GAS2L3: variants seen among roughly 807,000 people sequenced by gnomAD.
GAS2L3 encodes growth arrest specific 2 like 3.
GAS2L3 carries 28 observed loss-of-function variants against 37.0 expected under a neutral mutation model. The ratio of observed to expected loss-of-function variants is 0.76; its 90% confidence interval spans 0.56 to 1.04. GAS2L3 has a LOEUF of 1.04. Among genes scored for constraint, GAS2L3 ranks in the 50% least tolerant of loss-of-function variants. GAS2L3 has a pLI of 0.00. For synonymous variants in GAS2L3, 290 were observed against 296.6 expected, an observed-to-expected ratio of 0.98 and a Z score of 0.23; for missense variants, 793 against 817.6, an observed-to-expected ratio of 0.97 and a Z score of 0.37.
chr12:100,618,730 C>A, intron 8 of GAS2L3, 143 bp downstream of exon 8: 1 of 641,492 alleles, frequency 1.6e-6, no homozygotes, highest in Non-Finnish European at 2.5e-6. Flanking sequence ...TCTCCATTCT[C>A]TGATGAATTC....
chr12:100,579,041 C>A (rs576214039), intron 1 of GAS2L3: 2 of 762,428 alleles, frequency 2.6e-6, no homozygotes, highest in South Asian at 1.4e-5. Context: ...CATGTATAAC[C>A]AGTCTATGGC....
rs1955807696 is a variant in GAS2L3, at chr12:100,588,494, G to T, written c.-151-3242G>T. On this transcript the variant is annotated intron_variant, in intron 1 of 9. Transcript: ENST00000547754. Reference sequence around the variant, plus strand: ...CTAACAAAGATCACATGCTTCTGAGGGAACAGAACAAAGGGGAAAAGCAGA... The same window carrying T: ...CTAACAAAGATCACATGCTTCTGAGTGAACAGAACAAAGGGGAAAAGCAGA... 2.0e-5 allele frequency among the ~76,000 whole-genome samples: 3 copies of T among 152,270 alleles called. No individual in the cohort carries two copies. In the South Asian group the frequency reaches 6.2e-4, roughly 32 times the overall value.
chr12:100,600,365 A>ATTT lies in GAS2L3; in HGVS notation c.19-9_19-7dup. The ATTT allele has an allele frequency of 7.0e-7, 1 of 1,421,124 alleles. No homozygotes were observed. The highest frequency in any genetic ancestry group is 9.5e-7 in the Non-Finnish European group (1 of 1,048,690). The allele number at this position is 1,421,124 out of a possible 1,614,324, so 88.0% of individuals were successfully genotyped here. A position where few individuals can be genotyped will look rare whatever the true frequency, so the allele number is the denominator to read the frequency against. On this transcript the variant is annotated splice_polypyrimidine_tract_variant and intron_variant, in intron 3 of 9. Transcript: ENST00000547754. ...AAGGTTTTATTCATTCAGTTGATTGATTTTTTTTTTCTTTAGGTATGGTTT... is the reference window on the plus strand; with the variant it reads ...AAGGTTTTATTCATTCAGTTGATTGATTTTTTTTTTTTTCTTTAGGTATGGTTT...
chr12:100,593,875 C>T (rs1955877413), intron 2 of GAS2L3: 1 of 151,962 alleles, frequency 6.6e-6, no homozygotes, highest in Non-Finnish European at 1.5e-5. Context: ...TGTCTTTTGC[C>T]TTCCTGCAAA....
chr12:100,577,585 C>G (rs1209093066), intron 1 of GAS2L3, among the ~76,000 whole-genome samples: 1 of 152,100 alleles, frequency 6.6e-6, no homozygotes, highest in East Asian at 1.9e-4. Flanking sequence ...AAATCTTTAT[C>G]TGTAATAGAA....
In GAS2L3 at chr12:100,623,554, G is replaced by T. The variant is rs1364746009; in HGVS notation, c.757-8G>T. On this transcript the variant is annotated splice_region_variant and splice_polypyrimidine_tract_variant and intron_variant, in intron 9 of 9. Coordinates refer to ENST00000547754, the MANE Select transcript of GAS2L3 (RefSeq NM_174942.3). ...ACAGCTTTACTTTTTGTTTTCCTTT[G>T]GGGGCAGATGCTTCATGGAAAACAT... 7 of 1,581,368 alleles carry T rather than the reference G, an allele frequency of 4.4e-6. No individual in the cohort carries two copies. The Admixed American group carries it at 9.5e-5, about 21-fold the overall frequency.
chr12:100,616,140 CTT>C (rs1469222468), intron 6 of GAS2L3, among the ~76,000 whole-genome samples: 3 of 152,076 alleles, frequency 2.0e-5, no homozygotes, highest in African/African-American at 4.8e-5. Flanking sequence ...TATTTATAAT[CTT>C]TTAAAATTTC....
Position 100,623,725 on chromosome 12 carries a change from C to T in GAS2L3, c.920C>T (p.Ser307Leu), listed in dbSNP as rs778139968. 1.7e-5 allele frequency: 27 copies of T among 1,613,742 alleles called. No homozygotes were observed. Among genetic ancestry groups the T allele is most frequent in the Admixed American group, 5.0e-5 (3 of 59,962 alleles). Residue 307 changes from serine (S) to leucine (L), a missense_variant, in exon 10 of 10, where the codon TCG (serine) becomes TTG (leucine). Ser to Leu is a moderately radical substitution (Grantham distance 145, BLOSUM62 -2). Transcript: ENST00000547754. ...KGVSNESVPD[S>L]PARTPQPPEM... ...GTTTCTAATGAAAGTGTACCTGATT[C>T]GCCTGCCAGAACACCTCAGCCTCCT...
At chr12:100,577,703 A>G (rs866334593) in intron 1 of GAS2L3, among the ~76,000 whole-genome samples, 2 of 152,360 alleles carry the variant, frequency 1.3e-5, no homozygotes, top group Middle Eastern at 3.4e-3. Context: ...TATTTTTAAA[A>G]GTATAGAGTG....
intron 1 of GAS2L3, among the ~76,000 whole-genome samples, chr12:100,590,136 A>G (rs866644791): frequency 1.3e-5 from 2 of 152,338 alleles, no homozygotes; most frequent in Middle Eastern, 3.4e-3. Context: ...GACAACCCAC[A>G]GAGTGGGAGA....
At position 100,615,375 on chromosome 12, in the gene GAS2L3, A is replaced by T. The variant is rs985796817; in HGVS notation, c.446-2369A>T. On this transcript the variant is annotated intron_variant, in intron 6 of 9. Coordinates refer to ENST00000547754, the MANE Select transcript of GAS2L3 (RefSeq NM_174942.3). ...TTACCCTTTTTGTCAACTTGCAAGA[A>T]TTCTTTATATATTCTAGATACTAGG... 7.9e-5 allele frequency among the ~76,000 whole-genome samples: 12 copies of T among 152,202 alleles called. No individual in the cohort carries two copies. The South Asian group carries it at 2.3e-3, about 29-fold the overall frequency.
chr12:100,610,703 C>A (rs1368760050), intron 5 of GAS2L3, among the ~76,000 whole-genome samples: 1 of 152,022 alleles, frequency 6.6e-6, no homozygotes, highest in Non-Finnish European at 1.5e-5. Context: ...TCCTACTGTA[C>A]CTACTGCATT....
intron 1 of GAS2L3, among the ~76,000 whole-genome samples, chr12:100,574,265 T>A (rs1244313036): frequency 6.6e-6 from 1 of 152,230 alleles, no homozygotes; most frequent in Non-Finnish European, 1.5e-5. Flanking sequence ...ATGAAGTCTC[T>A]GGCCCTGCAA....
intron 2 of GAS2L3, among the ~76,000 whole-genome samples, chr12:100,594,344 T>C (rs1389907735): frequency 6.6e-6 from 1 of 152,028 alleles, no homozygotes; most frequent in African/African-American, 2.4e-5. Context: ...GAAATTATTA[T>C]GGGGAGGCAT....
chr12:100,609,988 G>A lies in GAS2L3; in HGVS notation c.304-2012G>A, dbSNP rs142824956. ...TCTTCAATGTCTCTCTCAGTGATAC[G>A]AAATTAAAACCAGATTGCTCATTTG... On this transcript the variant is annotated intron_variant, in intron 5 of 9. Transcript: ENST00000547754. 5.3e-5 allele frequency among the ~76,000 whole-genome samples: 8 copies of A among 152,326 alleles called. No homozygotes were observed. In the South Asian group the frequency reaches 6.2e-4, roughly 12 times the overall value.
In GAS2L3 at chr12:100,623,552, T is replaced by C. The variant is rs1001478044; in HGVS notation, c.757-10T>C. The C allele has an allele frequency of 1.3e-6, 2 of 1,582,468 alleles. No individual in the cohort carries two copies. The highest frequency in any genetic ancestry group is 1.4e-5 in the African/African-American group (1 of 73,542). On this transcript the variant is annotated splice_polypyrimidine_tract_variant and intron_variant, in intron 9 of 9. Coordinates refer to ENST00000547754, the MANE Select transcript of GAS2L3 (RefSeq NM_174942.3). ...TTACAGCTTTACTTTTTGTTTTCCT[T>C]TGGGGGCAGATGCTTCATGGAAAAC...
chr12:100,624,435 C>G lies in GAS2L3; in HGVS notation c.1630C>G (p.Pro544Ala). 1.9e-6 allele frequency: 3 copies of G among 1,613,996 alleles called. No individual in the cohort carries two copies. The highest frequency in any genetic ancestry group is 2.5e-6 in the Non-Finnish European group (3 of 1,180,012). The change falls in exon 10 of 10, where the codon CCA becomes GCA. Residue 544 changes from proline to alanine, a missense_variant. By Grantham distance (27) the Pro-to-Ala change is conservative. Transcript: ENST00000547754. ...GTQSQPSDGA[P>A]QAKPVPAQKL... The stretch of plus-strand genomic sequence containing the variant: ...ACAGTCTCAACCATCCGATGGAGCC[C>G]CACAAGCAAAGCCAGTCCCAGCACA...
In GAS2L3 at chr12:100,601,733, T is replaced by G. The variant is rs1160173191; in HGVS notation, c.283T>G (p.Cys95Gly). 4 of 1,582,408 alleles carry G rather than the reference T, an allele frequency of 2.5e-6. No homozygotes were observed. Among genetic ancestry groups the G allele is most frequent in the Non-Finnish European group, 1.7e-6 (2 of 1,154,648 alleles). The change falls in exon 5 of 10, where the codon TGC becomes GGC. Residue 95 changes from cysteine to glycine, a missense_variant. By Grantham distance (159) the Cys-to-Gly change is radical (BLOSUM62 -3). Coordinates refer to ENST00000547754, the MANE Select transcript of GAS2L3 (RefSeq NM_174942.3). ...TGTTCTTCAAAACATGGTGAAAACA[T>G]GCAACTCTGAAGAATCAGGGGTAAG... ...IDVLQNMVKTCNSEESGNFPM... is the reference protein window; with the variant it reads ...IDVLQNMVKTGNSEESGNFPM...
At chr12:100,576,647 GTAA>G (rs1192729182) in intron 1 of GAS2L3, among the ~76,000 whole-genome samples, 1 of 152,148 alleles carries the variant, frequency 6.6e-6, no homozygotes, top group African/African-American at 2.4e-5. Context: ...TGCTTCAGAA[GTAA>G]TGTTTATGAG....
Sources: allele counts gnomAD v4.1 joint callset (sites outside exome capture counted in the v4.1 genomes callset), GRCh38; gene constraint gnomAD v4.1.1; transcripts MANE v1.5; gene names NCBI Gene and HGNC (gene_info 2026-07-23, HGNC 2026-07-21).